Variants in KDM2B observed in about 807,000 individuals in gnomAD.
KDM2B encodes lysine demethylase 2B.
A neutral mutation model predicts 150.0 loss-of-function variants in KDM2B; 26 were observed. The ratio of observed to expected loss-of-function variants is 0.17; its 90% CI spans 0.13 to 0.24. The LOEUF (loss-of-function observed/expected upper bound fraction) is 0.24, where lower values mean the gene tolerates loss of function less well. Ranked by LOEUF, KDM2B falls within the 10% of genes least tolerant of loss-of-function variation. KDM2B has a pLI of 1.00. For synonymous variants in KDM2B, 734 were observed against 729.5 expected, an observed-to-expected ratio of 1.01 and a Z score of -0.10; for missense variants, 1,265 against 1,816.9, an observed-to-expected ratio of 0.70 and a Z score of 5.52.
chr12:121,436,338 G>A (rs1873969988), intron 22 of KDM2B, among the ~76,000 whole-genome samples: 3 of 152,040 alleles, frequency 2.0e-5, no homozygotes, highest in South Asian at 2.1e-4. Flanking sequence ...TGGCTAACAC[G>A]GTGAAACCCC....
chr12:121,526,851 G>A (rs1373776319), intron 8 of KDM2B, among the ~76,000 whole-genome samples: 4 of 152,034 alleles, frequency 2.6e-5, no homozygotes, highest in African/African-American at 7.2e-5. Flanking sequence ...GGGCAACATG[G>A]TAAAACCACG....
At chr12:121,491,205 T>C (rs1361579157) in intron 12 of KDM2B, among the ~76,000 whole-genome samples, 1 of 152,176 alleles carries the variant, frequency 6.6e-6, no homozygotes, top group Non-Finnish European at 1.5e-5. Flanking sequence ...GTCCAACGCC[T>C]TTCTTCTCCT....
chr12:121,536,072 A>C (rs1287542066), intron 6 of KDM2B: 1 of 985,566 alleles, frequency 1.0e-6, no homozygotes, highest in Non-Finnish European at 1.2e-6. Flanking sequence ...GAGGGAAGGA[A>C]TGGGGCGGGG....
chr12:121,494,775 C>A, intron 11 of KDM2B, 110 bp from the exon 12 acceptor site: 1 of 758,052 alleles, frequency 1.3e-6, no homozygotes, highest in South Asian at 2.0e-5. Flanking sequence ...AAGTCAGCGC[C>A]TGGCCATTGA....
intron 12 of KDM2B, chr12:121,470,065 C>T (rs1485083120): frequency 6.6e-6 from 1 of 151,234 alleles, no homozygotes; most frequent in Non-Finnish European, 1.5e-5. Flanking sequence ...CCACTGCCCT[C>T]CAGCCTGGGC....
At chr12:121,487,982 C>G (rs1302222066) in intron 12 of KDM2B, among the ~76,000 whole-genome samples, 1 of 151,974 alleles carries the variant, frequency 6.6e-6, no homozygotes, top group East Asian at 1.9e-4. Flanking sequence ...AGGGTTTCAC[C>G]ATGTTGGCCA....
chr12:121,462,475 G>A (rs575184739), intron 12 of KDM2B, among the ~76,000 whole-genome samples: 1 of 152,140 alleles, frequency 6.6e-6, no homozygotes, highest in Non-Finnish European at 1.5e-5. Context: ...AAGGATCAGA[G>A]GCCCCTGTCT....
chr12:121,517,139 T>A (rs1886285850), intron 9 of KDM2B, among the ~76,000 whole-genome samples: 1 of 152,114 alleles, frequency 6.6e-6, no homozygotes, highest in Non-Finnish European at 1.5e-5. Flanking sequence ...GTTAAAAGAA[T>A]GTAGTGATGA....
chr12:121,509,681 C>T lies in KDM2B; in HGVS notation c.1533G>A (p.Glu511=). The T allele has an allele frequency of 1.2e-6, 2 of 1,614,108 alleles. No individual in the cohort carries two copies. Among genetic ancestry groups the T allele is most frequent in the Non-Finnish European group, 1.7e-6 (2 of 1,180,038 alleles). Reference sequence around the variant, plus strand: ...GAGCTTTCAGGCCCTTCAGTTCAAACTCAGTGAGATGGGTCCATTTGGCAG... The same window carrying T: ...GAGCTTTCAGGCCCTTCAGTTCAAATTCAGTGAGATGGGTCCATTTGGCAG... ...EVSAKWTHLT[E]FELKGLKALV... Residue 511 remains glutamate, a synonymous_variant, in exon 11 of 23, where the codon GAG becomes GAA. Transcript: ENST00000377071.
intron 13 of KDM2B, among the ~76,000 whole-genome samples, chr12:121,448,701 A>G (rs530702814): frequency 6.6e-6 from 1 of 152,306 alleles, no homozygotes; most frequent in South Asian, 2.1e-4. Context: ...CAAATGTTTG[A>G]ATTCTAATAA....
At chr12:121,499,858 G>A (rs1198647945) in intron 11 of KDM2B, among the ~76,000 whole-genome samples, 2 of 151,922 alleles carry the variant, frequency 1.3e-5, no homozygotes, top group African/African-American at 2.4e-5. Context: ...ACTGAGGCAG[G>A]AGAATCACTT....
intron 6 of KDM2B, among the ~76,000 whole-genome samples, chr12:121,547,132 G>C (rs1419023320): frequency 1.3e-5 from 2 of 152,068 alleles, no homozygotes; most frequent in Non-Finnish European, 2.9e-5. Flanking sequence ...CCCTACGCGA[G>C]GCACAGCACT....
rs1465206628 is a variant in KDM2B, at chr12:121,518,657, C to A, written c.1047+2328G>T. Among the ~76,000 whole-genome samples the A allele has an allele frequency of 6.6e-6, 1 of 152,148 alleles. No homozygotes were observed. Among genetic ancestry groups the A allele is most frequent in the Non-Finnish European group, 1.5e-5 (1 of 68,030 alleles). The stretch of plus-strand genomic sequence containing the variant: ...TGGGCTCCTAAGGGAACCATGGGGC[C>A]CAAATCCGCTGAGTTTACAATTGAA... On this transcript the variant is annotated intron_variant, in intron 9 of 22. Transcript: ENST00000377071. This position sits in a 1 kb window ranked among gnomAD's most constrained non-coding sequence, Gnocchi z 4.4.
the KDM2B span, among the ~76,000 whole-genome samples, chr12:121,410,888 T>TATAAAAAA: frequency 6.6e-6 from 1 of 152,186 alleles, no homozygotes; most frequent in African/African-American, 2.4e-5. Flanking sequence ...GAATATTGGG[T>TATAAAAAA]TATAGCAACA....
At position 121,537,790 on chromosome 12, in the gene KDM2B, G is replaced by A. The variant is rs1202318712; in HGVS notation, c.684-3200C>T. On this transcript the variant is annotated intron_variant, in intron 6 of 22. Coordinates refer to ENST00000377071, the MANE Select transcript of KDM2B (RefSeq NM_032590.5). This position sits in a 1 kb window ranked among gnomAD's most constrained non-coding sequence, Gnocchi z 8.7. ...GCGCCGCACACTCGCACCCGACCCC[G>A]GGAGACACAAAGAGCGGCTCCGCGA... Among the ~76,000 whole-genome samples the A allele has an allele frequency of 6.6e-6, 1 of 152,086 alleles. No homozygotes were observed. Among genetic ancestry groups the A allele is most frequent in the East Asian group, 1.9e-4 (1 of 5,146 alleles).
the KDM2B span, among the ~76,000 whole-genome samples, chr12:121,421,397 A>C: frequency 1.3e-5 from 2 of 149,376 alleles, no homozygotes; most frequent in African/African-American, 2.5e-5. Flanking sequence ...AAAAAAAAAA[A>C]ACCAAAAAAA....
At chr12:121,412,148 G>T in the KDM2B span, among the ~76,000 whole-genome samples, 2 of 151,014 alleles carry the variant, frequency 1.3e-5, no homozygotes, top group Admixed American at 1.3e-4. Context: ...TGCAAACTCC[G>T]CCTCCTGGGT....
At position 121,453,098 on chromosome 12, in the gene KDM2B, G is replaced by C. The variant is rs1441839544; in HGVS notation, c.1959+22C>G. On this transcript the variant is annotated intron_variant, in intron 13 of 22. Coordinates refer to ENST00000377071, the MANE Select transcript of KDM2B (RefSeq NM_032590.5). The surrounding 1 kb of genome is among the most constrained non-coding windows in gnomAD (Gnocchi z 6.4). ...CGCAGGGGCCTGAATCGAGCGCAGGGCTGGGCGGGGGCCGCACTCACCGCG... is the reference window on the plus strand; with the variant it reads ...CGCAGGGGCCTGAATCGAGCGCAGGCCTGGGCGGGGGCCGCACTCACCGCG... 23 of 1,583,838 alleles carry C rather than the reference G, an allele frequency of 1.5e-5. No homozygotes were observed. The highest frequency in any genetic ancestry group is 2.0e-5 in the Non-Finnish European group (23 of 1,166,614).
intron 12 of KDM2B, among the ~76,000 whole-genome samples, chr12:121,462,165 C>T (rs1026748727): frequency 6.6e-6 from 1 of 152,222 alleles, no homozygotes; most frequent in Non-Finnish European, 1.5e-5. Context: ...CTGTATCGCA[C>T]GACACAGCTG....
Sources: allele counts gnomAD v4.1 joint callset (sites outside exome capture counted in the v4.1 genomes callset), GRCh38; gene constraint gnomAD v4.1.1; non-coding constraint Gnocchi (gnomAD v3.1); transcripts MANE v1.5; gene names NCBI Gene and HGNC (gene_info 2026-07-23, HGNC 2026-07-21).